The following MORC3 variants were observed in gnomAD, a reference collection of about 807,000 sequenced individuals.
MORC3 encodes MORC family CW-type zinc finger 3, also known as MORC family CW-type zinc finger protein 3.
Under a neutral mutation model 109.1 loss-of-function variants are expected in MORC3, and 31 were observed. The observed-to-expected ratio is 0.28, with a 90% confidence interval of 0.21 to 0.38. The LOEUF (loss-of-function observed/expected upper bound fraction) is 0.38, where lower values mean the gene tolerates loss of function less well. Ranked by LOEUF, MORC3 falls within the 10% of genes least tolerant of loss-of-function variation. MORC3 has a pLI of 1.00. For synonymous variants in MORC3, 395 were observed against 380.7 expected (o/e 1.04, Z -0.44); for missense variants, 867 against 1,135.8 (o/e 0.76, Z 3.40).
Position 36,320,237 on chromosome 21 carries a change from C to T in MORC3, c.-28C>T. ...CCTCCCAGTCGGGTTGCGGCGGAGG[C>T]CGTTCCTGGCTTTGTAGCTCGCTCA... On this transcript the variant is annotated 5_prime_UTR_variant, in exon 1 of 17. Transcript: ENST00000400485. 1.3e-6 allele frequency: 2 copies of T among 1,574,954 alleles called. No homozygotes were observed. The highest frequency in any genetic ancestry group is 2.3e-5 in the South Asian group (2 of 86,408).
At chr21:36,327,661 A>G (rs1212447372) in intron 1 of MORC3, among the ~76,000 whole-genome samples, 2 of 151,324 alleles carry the variant, frequency 1.3e-5, no homozygotes, top group African/African-American at 4.9e-5. Context: ...GTAAAACAAC[A>G]AAATGGAGGG....
chr21:36,367,825 T>C (rs1408676352), intron 14 of MORC3, among the ~76,000 whole-genome samples: 3 of 152,218 alleles, frequency 2.0e-5, no homozygotes, highest in Admixed American at 6.5e-5. Flanking sequence ...AACACTTGAA[T>C]GGCAGATGAA....
chr21:36,362,546 AAAAT>A (rs892909423), intron 13 of MORC3, among the ~76,000 whole-genome samples: 2 of 151,998 alleles, frequency 1.3e-5, no homozygotes, highest in Non-Finnish European at 2.9e-5. Context: ...TCCATCTCAA[AAAAT>A]AAATAAAATA....
intron 1 of MORC3, among the ~76,000 whole-genome samples, chr21:36,330,430 C>T (rs1249682187): frequency 6.6e-6 from 1 of 152,122 alleles, no homozygotes; most frequent in Non-Finnish European, 1.5e-5. Flanking sequence ...TTACCTATAG[C>T]CTGGAAGTCC....
At chr21:36,343,449 C>CT (rs147660327) in intron 6 of MORC3, among the ~76,000 whole-genome samples, 1,845 of 126,108 alleles carry the variant, frequency 0.015, 32 homozygotes, top group African/African-American at 0.042. Context: ...TTTTTGCTTT[C>CT]TTTTTTTTTT....
chr21:36,337,647 TAA>T, intron 3 of MORC3, 83 bp from the exon 4 acceptor site: 1 of 951,074 alleles, frequency 1.1e-6, no homozygotes, highest in Non-Finnish European at 1.5e-6. Flanking sequence ...ATTAATGAAT[TAA>T]AAAAAAAGAT....
chr21:36,344,263 A>G (rs1474011998), intron 6 of MORC3, among the ~76,000 whole-genome samples: 1 of 150,616 alleles, frequency 6.6e-6, no homozygotes, highest in Non-Finnish European at 1.5e-5. Flanking sequence ...TTGTACATAT[A>G]TACATTTTTT....
chr21:36,357,041 A>C (rs1266869597), intron 10 of MORC3, among the ~76,000 whole-genome samples: 1 of 152,256 alleles, frequency 6.6e-6, no homozygotes, highest in African/African-American at 2.4e-5. Context: ...GCTGAAACCC[A>C]ACTTGAGTTC....
intron 1 of MORC3, among the ~76,000 whole-genome samples, chr21:36,331,223 G>A (rs1191246689): frequency 6.6e-6 from 1 of 152,144 alleles, no homozygotes; most frequent in African/African-American, 2.4e-5. Context: ...TATTAGGAGA[G>A]AATCTGTTCA....
chr21:36,369,405 T>G lies in MORC3; in HGVS notation c.2037T>G (p.His679Gln). Residue 679 changes from histidine (H) to glutamine (Q), a missense_variant, in exon 15 of 17, where the codon CAT becomes CAG. Physicochemically the swap from His to Gln is conservative, Grantham distance 24 (BLOSUM62 0). Around this residue, in one of 7 missense-constraint regions of MORC3, gnomAD observed 486 missense variants for 502.1 expected, o/e 0.97. Transcript: ENST00000400485. ...GTGTAGAAGCTGAAGCAAAGATACATGAAACCCAGGAAACCACCGATAAAT... is the reference window on the plus strand; with the variant it reads ...GTGTAGAAGCTGAAGCAAAGATACAGGAAACCCAGGAAACCACCGATAAAT... The part of the protein sequence containing the change: ...PSCVEAEAKI[H>Q]ETQETTDKSA... 6.2e-7 allele frequency: 1 copy of G among 1,614,164 alleles called. No individual in the cohort carries two copies. Among genetic ancestry groups the G allele is most frequent in the Non-Finnish European group, 8.5e-7 (1 of 1,180,034 alleles).
At chr21:36,327,241 C>G (rs1482445689) in intron 1 of MORC3, among the ~76,000 whole-genome samples, 1 of 143,350 alleles carries the variant, frequency 7.0e-6, no homozygotes, top group Non-Finnish European at 1.5e-5. Context: ...ACTGCAACCT[C>G]TTCCTCCCAT....
At chr21:36,341,611 T>G (rs1195656018) in intron 6 of MORC3, 65 bp downstream of exon 6, 4 of 1,587,474 alleles carry the variant, frequency 2.5e-6, no homozygotes, top group Non-Finnish European at 3.4e-6. Flanking sequence ...TTAGGAGAGG[T>G]CATGTTACCT....
intron 12 of MORC3, chr21:36,360,865 A>C (rs2085705566): frequency 6.6e-6 from 1 of 152,334 alleles, no homozygotes; most frequent in Non-Finnish European, 1.5e-5. Flanking sequence ...TGAGGTCAGG[A>C]GTTCGAGACC....
intron 8 of MORC3, among the ~76,000 whole-genome samples, chr21:36,347,571 T>C (rs78214349): frequency 0.026 from 4,028 of 152,308 alleles, 169 homozygotes; most frequent in African/African-American, 0.088. Context: ...AAGTATCAGA[T>C]ACCCATTGTG....
At chr21:36,350,481 C>A (rs1413899669) in intron 9 of MORC3, among the ~76,000 whole-genome samples, 1 of 149,242 alleles carries the variant, frequency 6.7e-6, no homozygotes, top group African/African-American at 2.5e-5. Flanking sequence ...GAGATTGAGG[C>A]TGCAATGAGC....
In MORC3 at chr21:36,344,964, A is replaced by T. The variant is rs760183242; in HGVS notation, c.938A>T (p.Tyr313Phe). The T allele has an allele frequency of 1.2e-6, 2 of 1,612,378 alleles. No homozygotes were observed. Among genetic ancestry groups the T allele is most frequent in the East Asian group, 2.2e-5 (1 of 44,842 alleles). ...TTCAACTGCAGAAATAAAGATCATT[A>T]TGGGATAATGATGTATCACAGAAAT... is the stretch of plus-strand genomic sequence containing the variant. ...FGFNCRNKDH[Y>F]GIMMYHRNRL... Residue 313 changes from tyrosine to phenylalanine, a missense_variant, in exon 8 of 17, where the codon TAT becomes TTT. Physicochemically the swap from Tyr to Phe is conservative, Grantham distance 22. Around this residue, in one of 7 missense-constraint regions of MORC3, gnomAD observed 120 missense variants for 259.7 expected, o/e 0.46. Transcript: ENST00000400485.
In MORC3 at chr21:36,320,257, C is replaced by G. The variant is rs761982065; in HGVS notation, c.-8C>G. 3 of 1,581,026 alleles carry G rather than the reference C, an allele frequency of 1.9e-6. No individual in the cohort carries two copies. The highest frequency in any genetic ancestry group is 2.6e-6 in the Non-Finnish European group (3 of 1,165,138). On this transcript the variant is annotated 5_prime_UTR_variant, in exon 1 of 17. Transcript: ENST00000400485. ...GGAGGCCGTTCCTGGCTTTGTAGCT[C>G]GCTCAAGATGGCGGCGCAGCCACCC...
chr21:36,328,823 G>GGAA (rs201608299), intron 1 of MORC3, among the ~76,000 whole-genome samples: 3,722 of 150,822 alleles, frequency 0.025, 63 homozygotes, highest in Admixed American at 0.046. Context: ...GGGCCACATT[G>GGAA]GAAGAATTGT....
rs202071356 is a variant in MORC3 at position 36,374,279 on chromosome 21, C to T, written c.2667-864C>T. 7.2e-5 allele frequency among the ~76,000 whole-genome samples: 11 copies of T among 152,120 alleles called. No homozygotes were observed. The East Asian group carries it at 7.7e-4, about 11-fold the overall frequency. On this transcript the variant is annotated intron_variant, in intron 16 of 16. Transcript: ENST00000400485. ...TACATTTTGTATTTTTAGGGAGAGA[C>T]GGGGTTTCACCATGTTGATCAGGCT...
Sources: gnomAD v4.1 joint callset for allele counts (sites outside exome capture counted in the v4.1 genomes callset) on GRCh38, gnomAD v4.1.1 for gene constraint, gnomAD v4.1.1 regional missense constraint, MANE v1.5 for transcripts, NCBI Gene and HGNC (gene_info 2026-07-23, HGNC 2026-07-21) for gene names.